MYO19: variants seen among roughly 807,000 people sequenced by gnomAD.
MYO19 encodes the protein myosin XIX, also known as unconventional myosin-XIX.
MYO19 carries 132 observed loss-of-function variants against 129.2 expected under a neutral mutation model. The observed-to-expected ratio is 1.02, with a 90% confidence interval of 0.89 to 1.18. MYO19 has a LOEUF of 1.18. MYO19 is among the 50% of genes most tolerant of loss of function. MYO19 has a pLI of 0.00. For missense variants in MYO19, 1,210 were observed against 1,216.7 expected (o/e 0.99, Z 0.08); for synonymous variants, 531 against 477.2 (o/e 1.11, Z -1.47).
chr17:36,502,932 T>C (rs767449530), intron 21 of MYO19, 165 bp downstream of exon 21: 3 of 642,994 alleles, frequency 4.7e-6, no homozygotes, highest in Non-Finnish European at 5.5e-6. Context: ...CTTTTCCACT[T>C]TCCATGCTAT....
chr17:36,499,664 CTTTTTTTTTTTTTTTTTTT>C (rs879079228), intron 23 of MYO19: 1 of 62,632 alleles, frequency 1.6e-5, no homozygotes, highest in South Asian at 6.1e-4. Flanking sequence ...CTTTTTGTTT[CTTTTTTTTTTTTTTTTTTT>C]TTTTTTTTTT....
At chr17:36,535,933 T>C (rs2074106773), upstream of MYO19, among the ~76,000 whole-genome samples, 2 of 152,148 alleles carry the variant, frequency 1.3e-5, no homozygotes, top group Non-Finnish European at 2.9e-5. Context: ...TTTTTAATGG[T>C]CAACTGATTT....
At chr17:36,526,202 T>C (rs1474440555) in intron 5 of MYO19, among the ~76,000 whole-genome samples, 1 of 152,180 alleles carries the variant, frequency 6.6e-6, no homozygotes, top group Admixed American at 6.5e-5. Context: ...CTCACCTTCT[T>C]GAACCCAACT....
At chr17:36,507,614 G>A (rs2072007671) in intron 15 of MYO19, 102 bp from the exon 16 acceptor site, 8 of 1,361,758 alleles carry the variant, frequency 5.9e-6, no homozygotes, top group Non-Finnish European at 8.2e-6. Context: ...TTCCAGAACA[G>A]CATCAAAGAA....
At chr17:36,536,100 T>C (rs936017169), upstream of MYO19, among the ~76,000 whole-genome samples, 2 of 152,196 alleles carry the variant, frequency 1.3e-5, no homozygotes, top group African/African-American at 4.8e-5. Context: ...CAGACAATGA[T>C]GTGTGGCATT....
intron 11 of MYO19, 33 bp downstream of exon 11, chr17:36,513,396 G>A (rs1253036618): frequency 1.2e-6 from 2 of 1,613,894 alleles, no homozygotes; most frequent in African/African-American, 2.7e-5. Context: ...CGTCATCTCT[G>A]CCAAACTTAA....
At position 36,510,738 on chromosome 17, in the gene MYO19, C is replaced by G; in HGVS notation, c.1157+8G>C. 2 of 1,588,782 alleles carry G rather than the reference C, an allele frequency of 1.3e-6. No individual in the cohort carries two copies. Among genetic ancestry groups the G allele is most frequent in the Non-Finnish European group, 1.7e-6 (2 of 1,163,382 alleles). On this transcript the variant is annotated splice_region_variant and intron_variant, in intron 13 of 25. Transcript: ENST00000614623. ...CCTCCCCAACAAGGGGCCAGAGTAA[C>G]TGCTCACCGCGCATAGATCAGTTTG...
Position 36,496,132 on chromosome 17 carries a change from ACT to A in MYO19, c.*117_*118del. The A allele has an allele frequency of 1.5e-6, 2 of 1,361,412 alleles. No homozygotes were observed. The highest frequency in any genetic ancestry group is 1.3e-5 in the South Asian group (1 of 75,648). 84.3% of individuals were successfully genotyped at this position (1,361,412 alleles called of 1,614,324 possible). ...CTCTGGGTCGAAGGCTGGAGCCGTCACTGTTGTTCATGTGCATTTGGAGCACT... is the reference window on the plus strand; with the variant it reads ...CTCTGGGTCGAAGGCTGGAGCCGTCAGTTGTTCATGTGCATTTGGAGCACT... On this transcript the variant is annotated 3_prime_UTR_variant, in exon 26 of 26. Coordinates refer to ENST00000614623, the MANE Select transcript of MYO19 (RefSeq NM_001163735.2).
chr17:36,531,194 A>G (rs1395398942), intron 3 of MYO19, among the ~76,000 whole-genome samples: 1 of 152,022 alleles, frequency 6.6e-6, no homozygotes, highest in Non-Finnish European at 1.5e-5. Context: ...GGAGATCGAG[A>G]CCATCCTGGC....
At position 36,495,811 on chromosome 17, in the gene MYO19, TTAAA is replaced by T. The variant is rs2070919374; in HGVS notation, c.*436_*439del. ...AAATTACATTAAATAAATCAACTAA[TTAAA>T]TACTAAAGTTTTGTTCCTTTTTAAA... On this transcript the variant is annotated 3_prime_UTR_variant, in exon 26 of 26. Coordinates refer to ENST00000614623, the MANE Select transcript of MYO19 (RefSeq NM_001163735.2). 6.4e-6 allele frequency: 8 copies of T among 1,241,634 alleles called. No homozygotes were observed. The highest frequency in any genetic ancestry group is 7.0e-6 in the Non-Finnish European group (7 of 993,528). 76.9% of individuals were successfully genotyped at this position (1,241,634 alleles called of 1,614,324 possible). A position where few individuals can be genotyped will look rare whatever the true frequency, so the allele number is the denominator to read the frequency against.
chr17:36,514,994 A>G (rs1434938281), intron 8 of MYO19, 119 bp downstream of exon 8: 1 of 799,910 alleles, frequency 1.3e-6, no homozygotes, highest in African/African-American at 1.7e-5. Context: ...GGTAAAGGGC[A>G]TGCACCAGGA....
intron 1 of MYO19, among the ~76,000 whole-genome samples, chr17:36,534,377 T>A (rs747274503): frequency 8.0e-5 from 12 of 150,024 alleles, no homozygotes; most frequent in Non-Finnish European, 1.6e-4. Context: ...ACGGGGAGAG[T>A]ATGTCCTTCC....
At chr17:36,535,540 C>T (rs984957338), upstream of MYO19, 5 of 152,242 alleles carry the variant, frequency 3.3e-5, no homozygotes, top group Non-Finnish European at 5.9e-5. Flanking sequence ...CAGCGGCAGT[C>T]CGGCTGCCCT....
At chr17:36,532,412 A>G in intron 3 of MYO19, 115 bp downstream of exon 3, 2 of 1,261,880 alleles carry the variant, frequency 1.6e-6, no homozygotes, top group Non-Finnish European at 2.3e-6. Context: ...CTGGAGAGAC[A>G]ATTTGAGGAG....
At position 36,528,145 on chromosome 17, in the gene MYO19, G is replaced by A. The variant is rs769073878; in HGVS notation, c.70C>T (p.Leu24=). Residue 24 remains leucine (L), a synonymous_variant, in exon 4 of 26, where the codon CTG becomes TTG. Coordinates refer to ENST00000614623, the MANE Select transcript of MYO19 (RefSeq NM_001163735.2). ...ACCTCCCCACCCAGGAACTCCTGCAGGTCTTCTCTGAGGTACTCCCTGGCT... is the reference window on the plus strand; with the variant it reads ...ACCTCCCCACCCAGGAACTCCTGCAAGTCTTCTCTGAGGTACTCCCTGGCT... ...GQAREYLRED[L]QEFLGGEVLL... The A allele has an allele frequency of 1.2e-6, 2 of 1,611,732 alleles. No homozygotes were observed. Among genetic ancestry groups the A allele is most frequent in the Non-Finnish European group, 1.7e-6 (2 of 1,178,998 alleles).
In MYO19 at chr17:36,534,123, C is replaced by A. The variant is rs1388498088; in HGVS notation, c.-295-19G>T. On this transcript the variant is annotated intron_variant, in intron 1 of 25. Transcript: ENST00000614623. ...GTGAACACTGTGGGCAGAAAGGAGA[C>A]GGTAATGAGTAAATGGAACACCGAA... 6.6e-6 allele frequency: 1 copy of A among 152,248 alleles called. No homozygotes were observed. Among genetic ancestry groups the A allele is most frequent in the Non-Finnish European group, 1.5e-5 (1 of 68,072 alleles). 9.4% of individuals were successfully genotyped at this position (152,248 alleles called of 1,614,324 possible). A position where few individuals can be genotyped will look rare whatever the true frequency, so the allele number is the denominator to read the frequency against.
At chr17:36,531,699 G>C (rs1355565631) in intron 3 of MYO19, among the ~76,000 whole-genome samples, 1 of 152,104 alleles carries the variant, frequency 6.6e-6, no homozygotes, top group East Asian at 1.9e-4. Flanking sequence ...CATATGGCTG[G>C]AAGGTCAAGC....
At position 36,506,506 on chromosome 17, in the gene MYO19, G is replaced by T. The variant is rs762924442; in HGVS notation, c.1747C>A (p.Pro583Thr). 7 of 1,609,958 alleles carry T rather than the reference G, an allele frequency of 4.3e-6. No individual in the cohort carries two copies. The highest frequency in any genetic ancestry group is 2.2e-5 in the East Asian group (1 of 44,784). ...TNPKEKTQEE[P>T]PGQSRAPVLT... is the part of the protein sequence containing the mutation. ...ACAGGGGCCCTGCTCTGGCCAGGGG[G>T]TTCCTCCTGGGTCTTCTCTTTGGGG... The change falls in exon 18 of 26, where the codon CCC becomes ACC. Residue 583 changes from proline to threonine, a missense_variant. By Grantham distance (38) the Pro-to-Thr change is conservative. Transcript: ENST00000614623.
chr17:36,538,064 A>G (rs1213857166), upstream of MYO19: 12 of 1,614,076 alleles, frequency 7.4e-6, no homozygotes, highest in Non-Finnish European at 9.3e-6. Flanking sequence ...CTGGTGTGCA[A>G]ACAGGGTTAT....
Sources: allele counts gnomAD v4.1 joint callset (sites outside exome capture counted in the v4.1 genomes callset), GRCh38; gene constraint gnomAD v4.1.1; transcripts MANE v1.5; gene names NCBI Gene and HGNC (gene_info 2026-07-23, HGNC 2026-07-21).